The following JAK3 variants were observed in gnomAD, a reference collection of about 807,000 sequenced individuals.
JAK3 encodes tyrosine-protein kinase JAK3.
In JAK3, 88 loss-of-function variants were observed where a neutral mutation model predicts 120.8. The ratio of observed to expected loss-of-function variants is 0.73; its 90% CI spans 0.61 to 0.87. JAK3 has a LOEUF of 0.87. JAK3 is among the 40% of genes least tolerant of loss of function. The pLI is 0.00. For synonymous variants in JAK3, 592 were observed against 628.6 expected, an observed-to-expected ratio of 0.94 and a Z score of 0.87; for missense variants, 1,254 against 1,501.4, an observed-to-expected ratio of 0.84 and a Z score of 2.72.
rs371891970 is a variant in JAK3, at chr19:17,836,321, T to C, written c.1787-270A>G. Among the ~76,000 whole-genome samples the C allele has an allele frequency of 6.6e-5, 10 of 152,260 alleles. No individual in the cohort carries two copies. The East Asian group carries it at 1.7e-3, about 26-fold the overall frequency. ...CTTTTGAGACAGAGTCTTACTCTGT[T>C]GCCCAGGCTGGAGTGCAGTGGTGCG... On this transcript the variant is annotated intron_variant, in intron 13 of 23. Coordinates refer to ENST00000458235, the MANE Select transcript of JAK3 (RefSeq NM_000215.4).
In JAK3 at chr19:17,841,621, A is replaced by G. The variant is rs2147695309; in HGVS notation, c.984+19T>C. ...CGCCCTCGGGGTAAGGCTGAAGGGG[A>G]GGGGAATCCTGCACCCACTAAAATC... On this transcript the variant is annotated intron_variant, in intron 7 of 23. Transcript: ENST00000458235. The surrounding 1 kb of genome is among the most constrained non-coding windows in gnomAD (Gnocchi z 4.1). 1 of 1,613,614 alleles carries G rather than the reference A, an allele frequency of 6.2e-7. No homozygotes were observed. Among genetic ancestry groups the G allele is most frequent in the Non-Finnish European group, 8.5e-7 (1 of 1,179,774 alleles).
At chr19:17,847,328 C>T (rs1360610565) in intron 1 of JAK3, among the ~76,000 whole-genome samples, 1 of 152,096 alleles carries the variant, frequency 6.6e-6, no homozygotes, top group African/African-American at 2.4e-5. Flanking sequence ...TAGCAAGACT[C>T]CCATCTCCAA....
chr19:17,830,073 G>C, intron 23 of JAK3, 35 bp downstream of exon 23: 1 of 1,490,918 alleles, frequency 6.7e-7, no homozygotes, highest in East Asian at 2.4e-5. Flanking sequence ...CCAATCTACA[G>C]ACTGGGAAAC....
chr19:17,844,459 GTCC>G, intron 1 of JAK3, 29 bp from the exon 2 acceptor site: 1 of 1,574,280 alleles, frequency 6.4e-7, no homozygotes, highest in Non-Finnish European at 8.6e-7. Flanking sequence ...AAGCCCCTCA[GTCC>G]TGGTCAGAGG....
In JAK3 at chr19:17,838,017, C is replaced by T. The variant is rs777479500; in HGVS notation, c.1616G>A (p.Cys539Tyr). ...HGSFTKIYRG[C>Y]RHEVVDGEAR... The stretch of plus-strand genomic sequence containing the variant: ...CTCCCCATCCACCACCTCATGGCGA[C>T]AGCCCCGGTAAATCTTGGTGAAGGA... Residue 539 changes from cysteine to tyrosine, a missense_variant, in exon 12 of 24, where the codon TGT (cysteine) becomes TAT (tyrosine). Physicochemically the swap from Cys to Tyr is radical, Grantham distance 194. Coordinates refer to ENST00000458235, the MANE Select transcript of JAK3 (RefSeq NM_000215.4). 2.5e-6 allele frequency: 4 copies of T among 1,614,150 alleles called. No homozygotes were observed. The highest frequency in any genetic ancestry group is 1.7e-5 in the Admixed American group (1 of 60,002).
rs199767741 is a variant in JAK3, at chr19:17,843,515, G to C, written c.309-24C>G. 38 of 1,528,798 alleles carry C rather than the reference G, an allele frequency of 2.5e-5. No homozygotes were observed. In the Middle Eastern group the frequency reaches 6.7e-4, roughly 27 times the overall value. 94.7% of individuals were successfully genotyped at this position (1,528,798 alleles called of 1,614,324 possible). ...AGCTGTGAGGAGAGGAGAGAACCCT[G>C]GGATGAAAGTGCAACCCAGCCTCAG... On this transcript the variant is annotated intron_variant, in intron 3 of 23. Transcript: ENST00000458235. This position sits in a 1 kb window ranked among gnomAD's most constrained non-coding sequence, Gnocchi z 5.4.
chr19:17,830,243 G>T, intron 22 of JAK3, 25 bp from the exon 23 acceptor site: 1 of 1,535,914 alleles, frequency 6.5e-7, no homozygotes, highest in Non-Finnish European at 8.8e-7. Flanking sequence ...GAGCGCATGT[G>T]GTGGGGGAGG....
chr19:17,830,237 G>T lies in JAK3; in HGVS notation c.3097-19C>A. The T allele has an allele frequency of 6.5e-7, 1 of 1,542,036 alleles. No individual in the cohort carries two copies. The highest frequency in any genetic ancestry group is 8.8e-7 in the Non-Finnish European group (1 of 1,140,056). On this transcript the variant is annotated intron_variant, in intron 22 of 23. Coordinates refer to ENST00000458235, the MANE Select transcript of JAK3 (RefSeq NM_000215.4). ...GGAACTCCTGGAGCCAAGGAGGAGC[G>T]CATGTGGTGGGGGAGGAGCCTCCGT...
rs1470415280 is a variant in JAK3, at chr19:17,840,286, C to G, written c.1198G>C (p.Val400Leu). 1 of 1,614,008 alleles carries G rather than the reference C, an allele frequency of 6.2e-7. No homozygotes were observed. The highest frequency in any genetic ancestry group is 1.7e-5 in the Admixed American group (1 of 60,010). The change falls in exon 9 of 24, where the codon GTT becomes CTT. Residue 400 changes from valine (V) to leucine (L), a missense_variant. Val to Leu is a conservative substitution (Grantham distance 32). This residue lies in a region of JAK3 where 486 missense variants were observed against 503.0 expected (regional missense o/e 0.97). Transcript: ENST00000458235. Reference sequence around the variant, plus strand: ...AAGTCCTGGGGGCTGCGGCGGAGAACATAGGAGCCAGGACGTGAGCCCCCA... The same window carrying G: ...AAGTCCTGGGGGCTGCGGCGGAGAAGATAGGAGCCAGGACGTGAGCCCCCA... ...KTGGSRPGSY[V>L]LRRSPQDFDS...
intron 17 of JAK3, among the ~76,000 whole-genome samples, chr19:17,833,526 G>T (rs1177854242): frequency 8.0e-6 from 1 of 125,438 alleles, no homozygotes. Flanking sequence ...GGGGAACATA[G>T]CAAAACCCCA....
At chr19:17,838,478 C>T (rs1568404590) in intron 10 of JAK3, 88 bp from the exon 11 acceptor site, 1 of 1,517,778 alleles carries the variant, frequency 6.6e-7, no homozygotes, top group Non-Finnish European at 9.1e-7. Context: ...GTTTGAGGTA[C>T]CCTCTAGAAG....
In JAK3 at chr19:17,826,848, G is replaced by A. The variant is rs376220660; in HGVS notation, c.3270C>T (p.Ala1090=). 4 of 1,613,886 alleles carry A rather than the reference G, an allele frequency of 2.5e-6. No homozygotes were observed. Among genetic ancestry groups the A allele is most frequent in the Admixed American group, 1.7e-5 (1 of 60,006 alleles). The change falls in exon 24 of 24, where the codon GCC becomes GCT. Residue 1090 remains alanine, a synonymous_variant. Coordinates refer to ENST00000458235, the MANE Select transcript of JAK3 (RefSeq NM_000215.4). ...ACAGCATGTCCAGCTGGGGGCCCAG[G>A]GCGCTGAATGATGGCCGGTCCTGTG... ...PSPQDRPSFS[A]LGPQLDMLWS...
Position 17,843,153 on chromosome 19 carries a change from C to G in JAK3, c.440G>C (p.Ser147Thr). The G allele has an allele frequency of 6.2e-7, 1 of 1,606,918 alleles. No individual in the cohort carries two copies. Reference sequence around the variant, plus strand: ...ACTGAGGCCCACGGGGAGGCGCCCACTCACCAGGTCACTGCGGTGCTGGGG... The same window carrying G: ...ACTGAGGCCCACGGGGAGGCGCCCAGTCACCAGGTCACTGCGGTGCTGGGG... The part of the protein sequence containing the change: ...LFAQHRSDLV[S>T]GRLPVGLSLK... Residue 147 changes from serine (S) to threonine (T), a missense_variant, in exon 5 of 24, where the codon AGT becomes ACT. Ser to Thr is a moderately conservative substitution (Grantham distance 58). Coordinates refer to ENST00000458235, the MANE Select transcript of JAK3 (RefSeq NM_000215.4). This position sits in a 1 kb window ranked among gnomAD's most constrained non-coding sequence, Gnocchi z 5.4.
chr19:17,831,809 C>A lies in JAK3; in HGVS notation c.2681-11G>T, dbSNP rs201970522. 1.4e-4 allele frequency: 223 copies of A among 1,612,508 alleles called. No individual in the cohort carries two copies. Among genetic ancestry groups the A allele is most frequent in the Non-Finnish European group, 1.8e-4 (208 of 1,179,798 alleles). ...GCAGGCTCTGGCGGCCTGGAGAAGG[C>A]AGGATCTGTCACAGCAGGGCCCAGC... On this transcript the variant is annotated splice_polypyrimidine_tract_variant and intron_variant, in intron 19 of 23. Coordinates refer to ENST00000458235, the MANE Select transcript of JAK3 (RefSeq NM_000215.4). This position sits in a 1 kb window ranked among gnomAD's most constrained non-coding sequence, Gnocchi z 5.1.
rs1490602805 is a variant in JAK3 at position 17,831,705 on chromosome 19, C to T, written c.2774G>A (p.Arg925His). The T allele has an allele frequency of 1.9e-6, 3 of 1,609,954 alleles. No homozygotes were observed. The highest frequency in any genetic ancestry group is 1.1e-5 in the South Asian group (1 of 90,628). The stretch of plus-strand genomic sequence containing the variant: ...GATCTGCGAGGAATAGAGAAGGAGG[C>T]GGCTGGCATCGAGGCGCGCGCGGTG... ...QRHRARLDASRLLLYSSQICK... is the reference protein window; with the variant it reads ...QRHRARLDASHLLLYSSQICK... The change falls in exon 20 of 24, where the codon CGC (arginine) becomes CAC (histidine). Residue 925 changes from arginine to histidine, a missense_variant. Coordinates refer to ENST00000458235, the MANE Select transcript of JAK3 (RefSeq NM_000215.4). The surrounding 1 kb of genome is among the most constrained non-coding windows in gnomAD (Gnocchi z 5.1).
chr19:17,827,240 A>G (rs2094205566), intron 23 of JAK3, among the ~76,000 whole-genome samples: 1 of 151,960 alleles, frequency 6.6e-6, no homozygotes. Context: ...TGGCCTCCCA[A>G]AGTGCTGGGA....
intron 8 of JAK3, 139 bp from the exon 9 acceptor site, chr19:17,840,480 T>C (rs919115216): frequency 8.9e-6 from 6 of 671,600 alleles, no homozygotes; most frequent in Non-Finnish European, 1.6e-5. Flanking sequence ...AAATCAGCCA[T>C]GGGCCAGGCG....
chr19:17,828,243 TGTTTTGTTTTG>T (rs1568399971), intron 23 of JAK3, among the ~76,000 whole-genome samples: 11 of 150,446 alleles, frequency 7.3e-5, no homozygotes, highest in African/African-American at 2.5e-4. Flanking sequence ...TGTTTTGTTT[TGTTTTGTTTTG>T]TTTTGTTTTG....
chr19:17,847,902 C>A, intron 1 of JAK3, 44 bp downstream of exon 1: 2 of 870,234 alleles, frequency 2.3e-6, no homozygotes, highest in South Asian at 5.4e-5. Context: ...CCACCATCCT[C>A]CCCCAGTGTC....
Sources: gnomAD v4.1 joint callset for allele counts (sites outside exome capture counted in the v4.1 genomes callset) on GRCh38, gnomAD v4.1.1 for gene constraint, gnomAD v4.1.1 regional missense constraint, Gnocchi (gnomAD v3.1) non-coding constraint, MANE v1.5 for transcripts, NCBI Gene and HGNC (gene_info 2026-07-23, HGNC 2026-07-21) for gene names.